NR2C2: variants seen among roughly 807,000 people sequenced by gnomAD.
NR2C2 encodes the protein Nuclear hormone receptor TR4.
In NR2C2, 6 loss-of-function variants were observed where a neutral mutation model predicts 62.9. The ratio of observed to expected loss-of-function variants is 0.10; its 90% CI spans 0.05 to 0.19. The LOEUF (loss-of-function observed/expected upper bound fraction) is 0.19. Among genes scored for constraint, NR2C2 ranks in the 10% least tolerant of loss-of-function variants. NR2C2 has a pLI of 1.00. For missense variants in NR2C2, 479 were observed against 762.7 expected (o/e 0.63, Z 4.38); for synonymous variants, 272 against 273.8 (o/e 0.99, Z 0.07).
chr3:15,017,112 TTG>T (rs1477442766), intron 4 of NR2C2, among the ~76,000 whole-genome samples: 2 of 152,174 alleles, frequency 1.3e-5, no homozygotes, highest in Non-Finnish European at 2.9e-5. Flanking sequence ...GTCCTGGTTT[TTG>T]TTTGTTTTGT....
In NR2C2 at chr3:15,047,575, T is replaced by G; in HGVS notation, c.*4567T>G. 1 of 152,232 alleles carries G rather than the reference T, an allele frequency of 6.6e-6. No homozygotes were observed. The highest frequency in any genetic ancestry group is 1.9e-4 in the East Asian group (1 of 5,200). 9.4% of individuals were successfully genotyped at this position (152,232 alleles called of 1,614,324 possible). A position where few individuals can be genotyped will look rare whatever the true frequency, so the allele number is the denominator to read the frequency against. On this transcript the variant is annotated 3_prime_UTR_variant, in exon 14 of 14. Coordinates refer to ENST00000425241, the MANE Select transcript of NR2C2 (RefSeq NM_001291694.2). ...ACGGTCAGAGATTCAGAACGGTCTGTGTCAGTGAGGCCTGACTCCCAAAGA... is the reference window on the plus strand; with the variant it reads ...ACGGTCAGAGATTCAGAACGGTCTGGGTCAGTGAGGCCTGACTCCCAAAGA...
At chr3:15,021,064 T>A in intron 5 of NR2C2, 132 bp downstream of exon 5, 1 of 880,968 alleles carries the variant, frequency 1.1e-6, no homozygotes, top group East Asian at 2.7e-5. Flanking sequence ...TTCATTTTGG[T>A]TTACCTCATG....
chr3:15,026,419 C>T (rs2041823463), intron 7 of NR2C2: 1 of 152,108 alleles, frequency 6.6e-6, no homozygotes, highest in Non-Finnish European at 1.5e-5. Context: ...TTGTACAAAC[C>T]ATCCCCACTA....
At chr3:14,949,364 C>A (rs112413566) in intron 1 of NR2C2, among the ~76,000 whole-genome samples, 1 of 152,216 alleles carries the variant, frequency 6.6e-6, no homozygotes, top group South Asian at 2.1e-4. Flanking sequence ...GACAGGACAT[C>A]CCGTGTAACG....
At chr3:14,975,715 C>T (rs1363635000) in intron 1 of NR2C2, among the ~76,000 whole-genome samples, 1 of 152,278 alleles carries the variant, frequency 6.6e-6, no homozygotes, top group East Asian at 1.9e-4. Flanking sequence ...TGTGATAATA[C>T]TGGCCTCATG....
At chr3:14,994,160 G>GT (rs912018604) in intron 1 of NR2C2, among the ~76,000 whole-genome samples, 3 of 151,868 alleles carry the variant, frequency 2.0e-5, no homozygotes, top group East Asian at 1.9e-4. Context: ...TTAAATTTTT[G>GT]TTTTTTTATC....
chr3:14,967,754 T>C (rs1316056680), intron 1 of NR2C2, among the ~76,000 whole-genome samples: 1 of 152,226 alleles, frequency 6.6e-6, no homozygotes, highest in African/African-American at 2.4e-5. Flanking sequence ...AAGGCTACAG[T>C]AACCAAAACA....
intron 1 of NR2C2, among the ~76,000 whole-genome samples, chr3:14,979,031 C>G (rs1009895141): frequency 2.0e-5 from 3 of 152,160 alleles, no homozygotes; most frequent in Non-Finnish European, 2.9e-5. Context: ...AATATCCCCC[C>G]ATAGTCATTT....
In NR2C2 at chr3:15,039,238, C is replaced by T; in HGVS notation, c.1616+11C>T. On this transcript the variant is annotated intron_variant, in intron 13 of 13. Coordinates refer to ENST00000425241, the MANE Select transcript of NR2C2 (RefSeq NM_001291694.2). Reference sequence around the variant, plus strand: ...AGAAGACACCTACCGGTGAGGCATTCAGGCATATGCGCTCTTGCTTGGGGC... The same window carrying T: ...AGAAGACACCTACCGGTGAGGCATTTAGGCATATGCGCTCTTGCTTGGGGC... 1.3e-6 allele frequency: 2 copies of T among 1,557,020 alleles called. No homozygotes were observed. Among genetic ancestry groups the T allele is most frequent in the African/African-American group, 2.7e-5 (2 of 73,930 alleles).
At chr3:14,987,223 C>T (rs2040536733) in intron 1 of NR2C2, among the ~76,000 whole-genome samples, 1 of 152,174 alleles carries the variant, frequency 6.6e-6, no homozygotes, top group Admixed American at 6.5e-5. Context: ...GCTGGGACTG[C>T]AGGCACATGC....
chr3:15,013,087 T>C (rs537827502), intron 2 of NR2C2, among the ~76,000 whole-genome samples: 2 of 152,236 alleles, frequency 1.3e-5, no homozygotes, highest in African/African-American at 4.8e-5. Flanking sequence ...AGGAGGTGGG[T>C]GGTCAATTAG....
Position 15,046,261 on chromosome 3 carries a change from CAA to C in NR2C2, c.*3254_*3255del, listed in dbSNP as rs1311943699. The C allele has an allele frequency of 6.6e-6, 1 of 152,122 alleles. No individual in the cohort carries two copies. Among genetic ancestry groups the C allele is most frequent in the African/African-American group, 2.4e-5 (1 of 41,406 alleles). 9.4% of individuals were successfully genotyped at this position (152,122 alleles called of 1,614,324 possible). ...CACTTCTAAGATGTGTAATTGCCCT[CAA>C]GAGGGACTGATTTTTAGCTTGTCAT... On this transcript the variant is annotated 3_prime_UTR_variant, in exon 14 of 14. Transcript: ENST00000425241.
chr3:15,022,065 G>A (rs1224639719), intron 5 of NR2C2, among the ~76,000 whole-genome samples: 1 of 152,180 alleles, frequency 6.6e-6, no homozygotes, highest in African/African-American at 2.4e-5. Flanking sequence ...CAGTTTTCTT[G>A]TGAACACAGC....
Position 15,046,882 on chromosome 3 carries a change from A to G in NR2C2, c.*3874A>G, listed in dbSNP as rs760572636. On this transcript the variant is annotated 3_prime_UTR_variant, in exon 14 of 14. Coordinates refer to ENST00000425241, the MANE Select transcript of NR2C2 (RefSeq NM_001291694.2). ...TTTGAAAATGTCTTAACTTTGATGT[A>G]AATTTTTAAAGCCAACCCCTCATCA... The G allele has an allele frequency of 5.9e-5, 9 of 152,602 alleles. No homozygotes were observed. Among genetic ancestry groups the G allele is most frequent in the Non-Finnish European group, 4.4e-5 (3 of 68,036 alleles). 9.5% of individuals were successfully genotyped at this position (152,602 alleles called of 1,614,324 possible). A position where few individuals can be genotyped will look rare whatever the true frequency, so the allele number is the denominator to read the frequency against.
Position 15,047,686 on chromosome 3 carries a change from C to T in NR2C2, c.*4678C>T, listed in dbSNP as rs1414350941. On this transcript the variant is annotated 3_prime_UTR_variant, in exon 14 of 14. Transcript: ENST00000425241. ...TGACTGAATAAATAGTAATTCCCAT[C>T]TTTCTATCGCCAGTTAAAAATAAAC... 6.6e-6 allele frequency: 1 copy of T among 152,216 alleles called. No individual in the cohort carries two copies. Among genetic ancestry groups the T allele is most frequent in the East Asian group, 1.9e-4 (1 of 5,202 alleles). 9.4% of individuals were successfully genotyped at this position (152,216 alleles called of 1,614,324 possible).
chr3:14,953,692 A>C (rs1231986548), intron 1 of NR2C2, among the ~76,000 whole-genome samples: 4 of 152,152 alleles, frequency 2.6e-5, no homozygotes, highest in South Asian at 4.2e-4. Context: ...TCAGGAGTTC[A>C]AGACCAGCCT....
At chr3:15,041,452 C>T (rs1002744492) in intron 13 of NR2C2, among the ~76,000 whole-genome samples, 4 of 152,080 alleles carry the variant, frequency 2.6e-5, no homozygotes, top group East Asian at 1.9e-4. Flanking sequence ...TGGAATGCTA[C>T]CTGCATAGTA....
intron 1 of NR2C2, among the ~76,000 whole-genome samples, chr3:14,963,296 G>A (rs1478679986): frequency 1.3e-5 from 2 of 152,162 alleles, no homozygotes; most frequent in Admixed American, 6.5e-5. Flanking sequence ...GGTACTGTCA[G>A]TATTCCCATT....
intron 1 of NR2C2, among the ~76,000 whole-genome samples, chr3:14,993,558 T>G (rs947455153): frequency 2.6e-5 from 4 of 152,208 alleles, no homozygotes; most frequent in African/African-American, 9.6e-5. Flanking sequence ...AAGAATTTCT[T>G]AGCGGTCCCA....
Sources: gnomAD v4.1 joint callset for allele counts (sites outside exome capture counted in the v4.1 genomes callset) on GRCh38, gnomAD v4.1.1 for gene constraint, MANE v1.5 for transcripts, NCBI Gene and HGNC (gene_info 2026-07-23, HGNC 2026-07-21) for gene names.